PTPRD: variants seen among roughly 807,000 people sequenced by gnomAD.
The protein encoded by PTPRD is protein tyrosine phosphatase receptor type D.
A neutral mutation model predicts 214.5 loss-of-function variants in PTPRD; 34 were observed. The ratio of observed to expected loss-of-function variants is 0.16; its 90% CI spans 0.12 to 0.21. PTPRD has a LOEUF of 0.21. Ranked by LOEUF, PTPRD falls within the 10% of genes least tolerant of loss-of-function variation. The pLI is 1.00. For synonymous variants in PTPRD, 1,128 were observed against 845.7 expected, an observed-to-expected ratio of 1.33 and a Z score of -5.79; for missense variants, 2,545 against 2,398.7, an observed-to-expected ratio of 1.06 and a Z score of -1.27.
chr9:8,472,714 T>G lies in PTPRD; in HGVS notation c.3414-1629A>C, dbSNP rs531944841. On this transcript the variant is annotated intron_variant, in intron 30 of 45. Transcript: ENST00000381196. ...TCTGGATGTATTAGGTTAAATAAAA[T>G]AAATTATTAAAATTAATTTCACCTG... Among the ~76,000 whole-genome samples the G allele has an allele frequency of 7.1e-3, 1,078 of 152,314 alleles. 14 individuals are homozygous for G. Among genetic ancestry groups the G allele is most frequent in the African/African-American group, 0.024 (1,005 of 41,578 alleles).
chr9:10,316,113 CTATA>C lies in PTPRD; in HGVS notation c.-545+24846_-545+24849del, dbSNP rs3076319. ...GCTAAGGTAATTTATGTGTATGTGT[CTATA>C]TATATATATATACATATATACACAT... is the stretch of plus-strand genomic sequence containing the variant. On this transcript the variant is annotated intron_variant, in intron 3 of 45. Transcript: ENST00000381196. 4.1e-4 allele frequency among the ~76,000 whole-genome samples: 59 copies of C among 142,934 alleles called. No homozygotes were observed. In the East Asian group the frequency reaches 6.4e-3, roughly 16 times the overall value. 93.8% of individuals were successfully genotyped at this position (142,934 alleles called of 152,430 possible).
In PTPRD at chr9:8,740,294, GT is replaced by G. The variant is rs538126984; in HGVS notation, c.-103-6349del. Among the ~76,000 whole-genome samples, 399 of 152,146 alleles carry G rather than the reference GT, an allele frequency of 2.6e-3. 2 individuals are homozygous for G. The highest frequency in any genetic ancestry group is 9.0e-3 in the African/African-American group (372 of 41,516). ...AAGGAAAAATTATGTTAAAGATGGC[GT>G]TTCATACTTCATTGTATTTCTCACT... On this transcript the variant is annotated intron_variant, in intron 11 of 45. Transcript: ENST00000381196.
At chr9:9,411,899 CA>C (rs2075555644) in intron 8 of PTPRD, among the ~76,000 whole-genome samples, 1 of 152,174 alleles carries the variant, frequency 6.6e-6, no homozygotes, top group Admixed American at 6.5e-5. Flanking sequence ...ACCCTGCAAG[CA>C]AGAGGGACCT....
intron 2 of PTPRD, among the ~76,000 whole-genome samples, chr9:10,517,670 G>A (rs544164687): frequency 3.3e-4 from 50 of 152,082 alleles, no homozygotes; most frequent in African/African-American, 1.1e-3. Context: ...ATACATTTAT[G>A]TAACACCTCT....
chr9:9,264,693 T>G (rs1213201114), intron 9 of PTPRD, among the ~76,000 whole-genome samples: 1 of 151,528 alleles, frequency 6.6e-6, no homozygotes, highest in Non-Finnish European at 1.5e-5. Context: ...CTTAAAGGTC[T>G]CCAATCACGT....
At chr9:8,769,166 A>C (rs999231539) in intron 11 of PTPRD, among the ~76,000 whole-genome samples, 3 of 152,250 alleles carry the variant, frequency 2.0e-5, no homozygotes, top group Admixed American at 6.5e-5. Flanking sequence ...AAACTAATAA[A>C]GATAAATGAT....
At chr9:8,537,892 C>T (rs2077344266) in intron 14 of PTPRD, among the ~76,000 whole-genome samples, 1 of 151,974 alleles carries the variant, frequency 6.6e-6, no homozygotes, top group Admixed American at 6.6e-5. Flanking sequence ...TGTGGTAGCT[C>T]CAAGTTTACA....
Position 8,470,081 on chromosome 9 carries a change from C to A in PTPRD, c.3504+914G>T, listed in dbSNP as rs112035916. 3.2e-3 allele frequency among the ~76,000 whole-genome samples: 488 copies of A among 152,192 alleles called. 5 individuals carry two copies. Among genetic ancestry groups the A allele is most frequent in the African/African-American group, 0.011 (461 of 41,540 alleles). ...AGATGTGGCCTATGCTATAAATAATCCCAATAAATTAAAATCTCATATTTG... is the reference window on the plus strand; with the variant it reads ...AGATGTGGCCTATGCTATAAATAATACCAATAAATTAAAATCTCATATTTG... On this transcript the variant is annotated intron_variant, in intron 31 of 45. Transcript: ENST00000381196.
chr9:10,591,922 C>A (rs1250563796), intron 2 of PTPRD, among the ~76,000 whole-genome samples: 1 of 152,052 alleles, frequency 6.6e-6, no homozygotes, highest in Non-Finnish European at 1.5e-5. Flanking sequence ...GGCTACAGAC[C>A]CTAACTCCCA....
At chr9:9,920,123 G>C (rs528076405) in intron 5 of PTPRD, among the ~76,000 whole-genome samples, 3 of 152,156 alleles carry the variant, frequency 2.0e-5, no homozygotes, top group Admixed American at 1.3e-4. Context: ...TGACAAAATT[G>C]TTGTCAGTTT....
At chr9:9,335,331 G>T (rs1216472848) in intron 9 of PTPRD, among the ~76,000 whole-genome samples, 1 of 151,996 alleles carries the variant, frequency 6.6e-6, no homozygotes, top group Non-Finnish European at 1.5e-5. Context: ...AACTCTGAAT[G>T]TTAATATGAG....
intron 10 of PTPRD, among the ~76,000 whole-genome samples, chr9:9,040,837 T>A (rs1449625580): frequency 6.6e-6 from 1 of 152,164 alleles, no homozygotes; most frequent in Non-Finnish European, 1.5e-5. Flanking sequence ...CTGGGGCCCA[T>A]TCTTTAGGAG....
chr9:9,566,960 T>C (rs978053746), intron 8 of PTPRD, among the ~76,000 whole-genome samples: 9 of 151,998 alleles, frequency 5.9e-5, no homozygotes, highest in African/African-American at 1.7e-4. Context: ...CAGAGTCAAA[T>C]ACTAAGGCAG....
At chr9:10,568,313 T>C (rs1268480265) in intron 2 of PTPRD, among the ~76,000 whole-genome samples, 1 of 152,108 alleles carries the variant, frequency 6.6e-6, no homozygotes, top group East Asian at 1.9e-4. Flanking sequence ...TTTTTATGGC[T>C]GCATAGTATT....
intron 9 of PTPRD, among the ~76,000 whole-genome samples, chr9:9,250,848 G>C (rs2099975189): frequency 6.6e-6 from 1 of 152,060 alleles, no homozygotes; most frequent in South Asian, 2.1e-4. Flanking sequence ...TCCTATGATA[G>C]CAGCTTGTGA....
intron 3 of PTPRD, among the ~76,000 whole-genome samples, chr9:10,144,267 T>C (rs2099007577): frequency 6.6e-6 from 1 of 152,074 alleles, no homozygotes; most frequent in South Asian, 2.1e-4. Flanking sequence ...TTTAATACTC[T>C]TCTCTCCAAA....
At position 8,929,969 on chromosome 9, in the gene PTPRD, CTAT is replaced by C. The variant is rs1379258884; in HGVS notation, c.-104+88725_-104+88727del. Among the ~76,000 whole-genome samples the C allele has an allele frequency of 1.4e-5, 2 of 148,138 alleles. 1 individual carries two copies. Among genetic ancestry groups the C allele is most frequent in the East Asian group, 4.0e-4 (2 of 5,052 alleles). On this transcript the variant is annotated intron_variant, in intron 11 of 45. Transcript: ENST00000381196. Reference sequence around the variant, plus strand: ...TGTGTGTGTGTATATATATATATAACTATTATTATACTTTAAGTTCTAGGATAC... The same window carrying C: ...TGTGTGTGTGTATATATATATATAACTATTATACTTTAAGTTCTAGGATAC...
intron 2 of PTPRD, among the ~76,000 whole-genome samples, chr9:10,390,871 G>T (rs1364608819): frequency 6.6e-6 from 1 of 151,722 alleles, no homozygotes; most frequent in Non-Finnish European, 1.5e-5. Context: ...AGGCTTTTGG[G>T]CTTAAAATAG....
intron 8 of PTPRD, among the ~76,000 whole-genome samples, chr9:9,572,987 C>T (rs995803312): frequency 1.3e-4 from 19 of 151,570 alleles, no homozygotes; most frequent in African/African-American, 4.3e-4. Flanking sequence ...TGAAGCAGAA[C>T]ATGAGCATAT....
Sources: allele counts gnomAD v4.1 joint callset (sites outside exome capture counted in the v4.1 genomes callset), GRCh38; gene constraint gnomAD v4.1.1; transcripts MANE v1.5; gene names NCBI Gene and HGNC (gene_info 2026-07-23, HGNC 2026-07-21).